The following CASZ1 variants were observed in gnomAD, a reference collection of about 807,000 sequenced individuals.
The protein encoded by CASZ1 is zinc finger protein castor homolog 1.
Under a neutral mutation model 135.2 loss-of-function variants are expected in CASZ1, and 28 were observed. The ratio of observed to expected loss-of-function variants is 0.21; its 90% CI spans 0.15 to 0.28. CASZ1 has a LOEUF of 0.28. Among genes scored for constraint, CASZ1 ranks in the 10% least tolerant of loss-of-function variants. The probability of loss-of-function intolerance (pLI) is 1.00; values close to 1 mark genes in which losing one functional copy is unlikely to be tolerated. For missense variants in CASZ1, 2,161 were observed against 2,453.3 expected (o/e 0.88, Z 2.52); for synonymous variants, 1,068 against 1,073.4 (o/e 0.99, Z 0.10).
rs372631463 is a variant in CASZ1 at position 10,724,221 on chromosome 1, G to C, written c.-76-18677C>G. Among the ~76,000 whole-genome samples, 1 of 152,090 alleles carries C rather than the reference G, an allele frequency of 6.6e-6. No homozygotes were observed. The highest frequency in any genetic ancestry group is 1.5e-5 in the Non-Finnish European group (1 of 68,010). On this transcript the variant is annotated intron_variant, in intron 2 of 20. Coordinates refer to ENST00000377022, the MANE Select transcript of CASZ1 (RefSeq NM_001079843.3). The surrounding 1 kb of genome is among the most constrained non-coding windows in gnomAD (Gnocchi z 4.1). ...GAGCAAAGGCCACGTGGTCAGAGCC[G>C]GGCTATAAATAGCCAGCAAATCATT...
rs1471638955 is a variant in CASZ1, at chr1:10,697,880, GT to G, written c.-23-3969del. Among the ~76,000 whole-genome samples, 1 of 152,272 alleles carries G rather than the reference GT, an allele frequency of 6.6e-6. No homozygotes were observed. Among genetic ancestry groups the G allele is most frequent in the Non-Finnish European group, 1.5e-5 (1 of 68,044 alleles). ...TGTTCGCACCTGCGAGGGAGTCCGT[GT>G]GTTTGCGTGTGAGCCCGCTCCGGGG... is the stretch of plus-strand genomic sequence containing the variant. On this transcript the variant is annotated intron_variant, in intron 3 of 20. Coordinates refer to ENST00000377022, the MANE Select transcript of CASZ1 (RefSeq NM_001079843.3). This position sits in a 1 kb window ranked among gnomAD's most constrained non-coding sequence, Gnocchi z 4.7.
chr1:10,757,815 T>C lies in CASZ1; in HGVS notation c.-77+2886A>G, dbSNP rs768207198. 1.3e-5 allele frequency among the ~76,000 whole-genome samples: 2 copies of C among 151,596 alleles called. No individual in the cohort carries two copies. Among genetic ancestry groups the C allele is most frequent in the Non-Finnish European group, 2.9e-5 (2 of 67,900 alleles). ...ACAAAAAACAAAAAACAGAAAACCA[T>C]CACATCACTTTACCTCTGGCTCAAA... is the stretch of plus-strand genomic sequence containing the variant. On this transcript the variant is annotated intron_variant, in intron 2 of 20. Coordinates refer to ENST00000377022, the MANE Select transcript of CASZ1 (RefSeq NM_001079843.3). This position sits in a 1 kb window ranked among gnomAD's most constrained non-coding sequence, Gnocchi z 4.6.
rs1300101969 is a variant in CASZ1 at position 10,648,287 on chromosome 1, C to A, written c.3159-148G>T. On this transcript the variant is annotated intron_variant, in intron 15 of 20. Coordinates refer to ENST00000377022, the MANE Select transcript of CASZ1 (RefSeq NM_001079843.3). ...CTCCAGAAGTCCCCTGTGACCCCAC[C>A]AGGACAGAAGGACTGGAGGGCAAAC... The A allele has an allele frequency of 3.7e-5, 23 of 619,494 alleles. No individual in the cohort carries two copies. In the Admixed American group the frequency reaches 7.7e-4, roughly 21 times the overall value. 38.4% of individuals were successfully genotyped at this position (619,494 alleles called of 1,614,324 possible).
At chr1:10,654,732 G>C in intron 9 of CASZ1, 141 bp from the exon 10 acceptor site, 1 of 767,194 alleles carries the variant, frequency 1.3e-6, no homozygotes, top group Non-Finnish European at 2.2e-6. Flanking sequence ...TGGAGGCCTC[G>C]GGATGTTGAT....
intron 6 of CASZ1, among the ~76,000 whole-genome samples, chr1:10,658,912 G>A (rs185905413): frequency 1.2e-4 from 18 of 152,328 alleles, no homozygotes; most frequent in Non-Finnish European, 2.4e-4. Context: ...CCAACAGGGA[G>A]GGATTCGAGG....
intron 2 of CASZ1, among the ~76,000 whole-genome samples, chr1:10,723,845 T>G (rs115407215): frequency 0.014 from 2,128 of 152,296 alleles, 60 homozygotes; most frequent in African/African-American, 0.048. Flanking sequence ...ACGGTCAGCT[T>G]CAGTCCACCC....
intron 1 of CASZ1, among the ~76,000 whole-genome samples, chr1:10,773,834 CT>C (rs1292109634): frequency 6.6e-6 from 1 of 152,178 alleles, no homozygotes; most frequent in Non-Finnish European, 1.5e-5. Flanking sequence ...ATGGAGCGTC[CT>C]TCTAGTCTGG....
chr1:10,649,538 C>G (rs1642491359), intron 13 of CASZ1, 101 bp from the exon 14 acceptor site: 1 of 1,362,160 alleles, frequency 7.3e-7, no homozygotes, highest in Non-Finnish European at 9.9e-7. Flanking sequence ...TGGGACCCAC[C>G]CAGCCCTCAG....
chr1:10,722,051 C>T (rs1639506527), intron 2 of CASZ1, among the ~76,000 whole-genome samples: 1 of 152,354 alleles, frequency 6.6e-6, no homozygotes, highest in Admixed American at 6.5e-5. Flanking sequence ...TCTATGGAAA[C>T]GTTGGAACCA....
Position 10,686,711 on chromosome 1 carries a change from G to A in CASZ1, c.16+7163C>T, listed in dbSNP as rs920750876. ...TTAATGGGGCCGTAACCGTGGAAACGAGGAATAAACGGCCACCAGAAAATG... is the reference window on the plus strand; with the variant it reads ...TTAATGGGGCCGTAACCGTGGAAACAAGGAATAAACGGCCACCAGAAAATG... On this transcript the variant is annotated intron_variant, in intron 4 of 20. Transcript: ENST00000377022. 2.3e-4 allele frequency among the ~76,000 whole-genome samples: 35 copies of A among 152,214 alleles called. 1 individual carries two copies. The highest frequency in any genetic ancestry group is 7.7e-4 in the African/African-American group (32 of 41,450).
At position 10,755,090 on chromosome 1, in the gene CASZ1, A is replaced by C. The variant is rs1247874830; in HGVS notation, c.-77+5611T>G. ...GGTGAGTGGAAGGGGAGCGACCCCC[A>C]GGCCTGAAGGGCAGAGAGCAAGCGG... On this transcript the variant is annotated intron_variant, in intron 2 of 20. Transcript: ENST00000377022. The surrounding 1 kb of genome is among the most constrained non-coding windows in gnomAD (Gnocchi z 4.3). Among the ~76,000 whole-genome samples the C allele has an allele frequency of 6.6e-6, 1 of 152,214 alleles. No individual in the cohort carries two copies. Among genetic ancestry groups the C allele is most frequent in the Non-Finnish European group, 1.5e-5 (1 of 68,034 alleles).
chr1:10,653,536 C>A lies in CASZ1; in HGVS notation c.2521G>T (p.Ala841Ser). ...SATPDTPTLV[A>S]SGAGDSAPVA... Reference sequence around the variant, plus strand: ...GGGGCTGAGTCTCCAGCTCCCGAGGCGACCAGCGTGGGTGTGTCAGGGGTG... The same window carrying A: ...GGGGCTGAGTCTCCAGCTCCCGAGGAGACCAGCGTGGGTGTGTCAGGGGTG... The change falls in exon 11 of 21, where the codon GCC becomes TCC. Residue 841 changes from alanine to serine, a missense_variant. By Grantham distance (99) the Ala-to-Ser change is moderately conservative (BLOSUM62 1). Coordinates refer to ENST00000377022, the MANE Select transcript of CASZ1 (RefSeq NM_001079843.3). 6.2e-7 allele frequency: 1 copy of A among 1,600,252 alleles called. No homozygotes were observed. Among genetic ancestry groups the A allele is most frequent in the Admixed American group, 1.7e-5 (1 of 59,310 alleles).
chr1:10,773,606 C>T (rs533628663), intron 1 of CASZ1, among the ~76,000 whole-genome samples: 6 of 152,176 alleles, frequency 3.9e-5, no homozygotes, highest in East Asian at 3.9e-4. Context: ...CAGAAGGCCT[C>T]GGCCTTCTAG....
chr1:10,759,347 C>T lies in CASZ1; in HGVS notation c.-77+1354G>A, dbSNP rs982267658. On this transcript the variant is annotated intron_variant, in intron 2 of 20. Transcript: ENST00000377022. This position sits in a 1 kb window ranked among gnomAD's most constrained non-coding sequence, Gnocchi z 4.2. ...CCCAGAAGACTTCAGCGCCACGAAA[C>T]TCCCCCCACGGCCTTTTCCAGGTGA... Among the ~76,000 whole-genome samples the T allele has an allele frequency of 6.6e-6, 1 of 152,190 alleles. No homozygotes were observed. Among genetic ancestry groups the T allele is most frequent in the African/African-American group, 2.4e-5 (1 of 41,436 alleles).
chr1:10,708,810 G>GGAAGAGGGAAGGTGGGCT (rs1442259687), intron 2 of CASZ1, among the ~76,000 whole-genome samples: 3 of 152,020 alleles, frequency 2.0e-5, no homozygotes, highest in African/African-American at 7.2e-5. Flanking sequence ...GAGGGGAAGA[G>GGAAGAGGGAAGGTGGGCT]GAAGAGGGAA....
At chr1:10,714,995 G>T (rs531591135) in intron 2 of CASZ1, among the ~76,000 whole-genome samples, 4 of 152,310 alleles carry the variant, frequency 2.6e-5, no homozygotes, top group African/African-American at 7.2e-5. Context: ...CTCAGCCGCG[G>T]GCCTAACCTT....
At chr1:10,753,604 G>A (rs1640188982) in intron 2 of CASZ1, among the ~76,000 whole-genome samples, 1 of 152,184 alleles carries the variant, frequency 6.6e-6, no homozygotes. Context: ...GCAGGCCAGG[G>A]AGGCGGGTGG....
chr1:10,791,400 T>G (rs1640953218), intron 1 of CASZ1, among the ~76,000 whole-genome samples: 1 of 152,256 alleles, frequency 6.6e-6, no homozygotes, highest in South Asian at 2.1e-4. Flanking sequence ...CATTAATTCT[T>G]TCCTGTAAAC....
chr1:10,781,673 G>A (rs1272824938), intron 1 of CASZ1, among the ~76,000 whole-genome samples: 1 of 152,204 alleles, frequency 6.6e-6, no homozygotes, highest in Non-Finnish European at 1.5e-5. Flanking sequence ...GGAGCCCTCT[G>A]CCTTACTGCC....
Sources: allele counts gnomAD v4.1 joint callset (sites outside exome capture counted in the v4.1 genomes callset), GRCh38; gene constraint gnomAD v4.1.1; non-coding constraint Gnocchi (gnomAD v3.1); transcripts MANE v1.5; gene names NCBI Gene and HGNC (gene_info 2026-07-23, HGNC 2026-07-21).